CELF4: variants seen among roughly 807,000 people sequenced by gnomAD.
The protein encoded by CELF4 is CUGBP Elav-like family member 4, also known as CUG-BP- and ETR-3-like factor 4.
Under a neutral mutation model 59.9 loss-of-function variants are expected in CELF4, and 18 were observed. The observed-to-expected ratio is 0.30, with a 90% CI of 0.21 to 0.45. The LOEUF is 0.45. CELF4 is among the 20% of genes least tolerant of loss of function. The pLI, the probability that CELF4 is intolerant of heterozygous loss-of-function variation, is 1.00. For synonymous variants in CELF4, 261 were observed against 267.1 expected, an observed-to-expected ratio of 0.98 and a Z score of 0.22; for missense variants, 456 against 689.0, an observed-to-expected ratio of 0.66 and a Z score of 3.79.
chr18:37,515,432 C>G lies in CELF4; in HGVS notation c.287-29825G>C, dbSNP rs142591281. ...TCCCATCCTATCAAGGGTCTTTCTC[C>G]CTTCTATCTTTGGCAGGCCTAGGCT... is the stretch of plus-strand genomic sequence containing the variant. On this transcript the variant is annotated intron_variant, in intron 1 of 12. Transcript: ENST00000420428. 8.0e-3 allele frequency among the ~76,000 whole-genome samples: 1,218 copies of G among 152,300 alleles called. 20 individuals carry two copies. Among genetic ancestry groups the G allele is most frequent in the African/African-American group, 0.028 (1,155 of 41,562 alleles).
At chr18:37,242,957 C>G (rs776177275), downstream of CELF4, 2 of 152,142 alleles carry the variant, frequency 1.3e-5, no homozygotes, top group Non-Finnish European at 2.9e-5. Flanking sequence ...TAAAGAGGAC[C>G]AAAGCTACTT....
At position 37,565,691 on chromosome 18, in the gene CELF4, CCTCT is replaced by C. The variant is rs1405346879; in HGVS notation, c.-54_-51del. 1.5e-6 allele frequency: 2 copies of C among 1,294,610 alleles called. No individual in the cohort carries two copies. The highest frequency in any genetic ancestry group is 3.5e-5 in the African/African-American group (2 of 56,548). 80.2% of individuals were successfully genotyped at this position (1,294,610 alleles called of 1,614,324 possible). A position where few individuals can be genotyped will look rare whatever the true frequency, so the allele number is the denominator to read the frequency against. Reference sequence around the variant, plus strand: ...TCTTTCTCGCTCACACTCTCTCGCTCCTCTCTCTCGCTCGCTCGCGCTCACACAC... The same window carrying C: ...TCTTTCTCGCTCACACTCTCTCGCTCCTCTCGCTCGCTCGCGCTCACACAC... On this transcript the variant is annotated 5_prime_UTR_variant, in exon 1 of 13. Transcript: ENST00000420428.
At chr18:37,328,048 A>G (rs1462034621) in intron 2 of CELF4, among the ~76,000 whole-genome samples, 1 of 152,122 alleles carries the variant, frequency 6.6e-6, no homozygotes, top group African/African-American at 2.4e-5. Flanking sequence ...AGGGAGGGAG[A>G]GAGAGAAAAG....
intron 1 of CELF4, among the ~76,000 whole-genome samples, chr18:37,511,051 C>G (rs1043213567): frequency 6.6e-6 from 1 of 152,162 alleles, no homozygotes; most frequent in Non-Finnish European, 1.5e-5. Context: ...TCCTGTGTCC[C>G]CCATCCCCCA....
intron 2 of CELF4, among the ~76,000 whole-genome samples, chr18:37,476,894 G>A (rs2099851203): frequency 6.6e-6 from 1 of 152,222 alleles, no homozygotes; most frequent in African/African-American, 2.4e-5. Context: ...TGCACCGGCG[G>A]CGAATGCCTG....
chr18:37,399,421 C>A (rs914588031), intron 2 of CELF4, among the ~76,000 whole-genome samples: 1 of 152,192 alleles, frequency 6.6e-6, no homozygotes, highest in African/African-American at 2.4e-5. Context: ...TGGCTCCATG[C>A]CCTTGGACTT....
intron 2 of CELF4, among the ~76,000 whole-genome samples, chr18:37,332,982 C>T (rs1357302771): frequency 3.3e-5 from 5 of 152,212 alleles, no homozygotes; most frequent in Admixed American, 2.0e-4. Context: ...GATCTGCTGC[C>T]GTGGCAACCA....
Position 37,303,731 on chromosome 18 carries a change from C to T in CELF4, c.448+18072G>A, listed in dbSNP as rs139013802. 4.8e-3 allele frequency among the ~76,000 whole-genome samples: 724 copies of T among 152,314 alleles called. 4 individuals are homozygous for T. Among genetic ancestry groups the T allele is most frequent in the Non-Finnish European group, 8.2e-3 (556 of 68,020 alleles). On this transcript the variant is annotated intron_variant, in intron 3 of 12. Transcript: ENST00000420428. ...ATGGAAGCGTCCTCCAAAATCCCTC[C>T]CAGGCTAGCCTTGTGGGCTTTGGGG... is the stretch of plus-strand genomic sequence containing the variant.
chr18:37,265,015 G>A (rs535123178), intron 9 of CELF4, among the ~76,000 whole-genome samples: 1 of 151,982 alleles, frequency 6.6e-6, no homozygotes, highest in Non-Finnish European at 1.5e-5. Context: ...GCATGTACGT[G>A]TGGGGATGTG....
chr18:37,357,718 C>T (rs1048261318), intron 2 of CELF4, among the ~76,000 whole-genome samples: 4 of 152,210 alleles, frequency 2.6e-5, no homozygotes, highest in Non-Finnish European at 5.9e-5. Context: ...GGAGGCTGTA[C>T]CCTGCAAAGC....
At chr18:37,470,887 T>TGTGAGAGAGA (rs1325788685) in intron 2 of CELF4, among the ~76,000 whole-genome samples, 3 of 71,966 alleles carry the variant, frequency 4.2e-5, no homozygotes, top group Middle Eastern at 7.0e-3. Flanking sequence ...TGTGTGTGTG[T>TGTGAGAGAGA]GACAGAGAGA....
chr18:37,357,662 GA>G (rs1219426874), intron 2 of CELF4, among the ~76,000 whole-genome samples: 1 of 152,160 alleles, frequency 6.6e-6, no homozygotes, highest in Non-Finnish European at 1.5e-5. Flanking sequence ...AGTGTGCCTG[GA>G]AAAGCCACAG....
At chr18:37,330,173 C>A (rs1342420637) in intron 2 of CELF4, among the ~76,000 whole-genome samples, 1 of 152,196 alleles carries the variant, frequency 6.6e-6, no homozygotes, top group Non-Finnish European at 1.5e-5. Context: ...CCGCCCTCCA[C>A]CAGAAATTTG....
chr18:37,445,342 C>T (rs971337859), intron 2 of CELF4, among the ~76,000 whole-genome samples: 4 of 151,858 alleles, frequency 2.6e-5, no homozygotes, highest in Admixed American at 6.6e-5. Flanking sequence ...AGAAATGGAG[C>T]CTGGAAGGGT....
Position 37,244,804 on chromosome 18 carries a change from G to A in CELF4, c.*438C>T, listed in dbSNP as rs2061477672. 6.6e-6 allele frequency: 1 copy of A among 152,582 alleles called. No homozygotes were observed. The highest frequency in any genetic ancestry group is 1.5e-5 in the Non-Finnish European group (1 of 68,036). The allele number at this position is 152,582 out of a possible 1,614,324, so 9.5% of individuals were successfully genotyped here. On this transcript the variant is annotated 3_prime_UTR_variant, in exon 13 of 13. Transcript: ENST00000420428. The stretch of plus-strand genomic sequence containing the variant: ...CTCTCAGCCGCCCCTTGGGGACCAG[G>A]CCCCACGCACCACTTGCCCCAGCCT...
intron 2 of CELF4, among the ~76,000 whole-genome samples, chr18:37,427,358 CA>C (rs1207506642): frequency 6.6e-6 from 1 of 152,148 alleles, no homozygotes; most frequent in Non-Finnish European, 1.5e-5. Context: ...CTCCCATAGG[CA>C]AAAACACCCA....
intron 1 of CELF4, among the ~76,000 whole-genome samples, chr18:37,538,683 G>T (rs982968237): frequency 2.0e-5 from 3 of 152,184 alleles, no homozygotes; most frequent in African/African-American, 7.2e-5. Flanking sequence ...CTCATTCCCA[G>T]GTGAGACTTT....
chr18:37,385,156 G>A (rs2099085020), intron 2 of CELF4, among the ~76,000 whole-genome samples: 1 of 152,022 alleles, frequency 6.6e-6, no homozygotes, highest in Non-Finnish European at 1.5e-5. Context: ...AGACCAGCCT[G>A]GCCAACATGG....
At chr18:37,494,386 G>T (rs1189219732) in intron 1 of CELF4, among the ~76,000 whole-genome samples, 1 of 152,240 alleles carries the variant, frequency 6.6e-6, no homozygotes, top group African/African-American at 2.4e-5. Flanking sequence ...GTGGGTGTCA[G>T]CCTTTCCAAC....
Sources: allele counts gnomAD v4.1 joint callset (sites outside exome capture counted in the v4.1 genomes callset), GRCh38; gene constraint gnomAD v4.1.1; transcripts MANE v1.5; gene names NCBI Gene and HGNC (gene_info 2026-07-23, HGNC 2026-07-21).